Variants in KANSL1 observed in about 807,000 individuals in gnomAD.
KANSL1 encodes the protein MLL1/MLL complex subunit KANSL1.
KANSL1 carries 22 observed loss-of-function variants against 103.6 expected under a neutral mutation model. The ratio of observed to expected loss-of-function variants is 0.21; its 90% CI spans 0.15 to 0.30. The LOEUF (loss-of-function observed/expected upper bound fraction) is 0.30, where lower values mean the gene tolerates loss of function less well. Ranked by LOEUF, KANSL1 falls within the 10% of genes least tolerant of loss-of-function variation. The pLI is 1.00. For missense variants in KANSL1, 1,337 were observed against 1,399.8 expected (o/e 0.96, Z 0.72); for synonymous variants, 600 against 527.6 (o/e 1.14, Z -1.88).
At chr17:46,113,533 G>A (rs2042912860) in intron 2 of KANSL1, among the ~76,000 whole-genome samples, 1 of 152,096 alleles carries the variant, frequency 6.6e-6, no homozygotes, top group African/African-American at 2.4e-5. Flanking sequence ...TTTACCTGTA[G>A]GTATAAGTGG....
intron 2 of KANSL1, among the ~76,000 whole-genome samples, chr17:46,118,140 A>C (rs1184593895): frequency 1.3e-5 from 2 of 152,332 alleles, no homozygotes; most frequent in African/African-American, 2.4e-5. Context: ...CTTTACACAC[A>C]ATGTTTTTAA....
chr17:46,082,310 A>T (rs1387079409), intron 4 of KANSL1, 131 bp downstream of exon 4: 1 of 580,606 alleles, frequency 1.7e-6, no homozygotes, highest in Non-Finnish European at 3.1e-6. Context: ...TAAAACACCA[A>T]AAGTGATAAA....
chr17:46,084,349 A>G (rs946584954), intron 3 of KANSL1, among the ~76,000 whole-genome samples: 8 of 151,898 alleles, frequency 5.3e-5, no homozygotes, highest in African/African-American at 1.9e-4. Flanking sequence ...ACCATTGCAC[A>G]CCAGCCTGGG....
At chr17:46,163,098 C>T (rs978541005) in intron 2 of KANSL1, among the ~76,000 whole-genome samples, 2 of 152,222 alleles carry the variant, frequency 1.3e-5, no homozygotes, top group African/African-American at 2.4e-5. Flanking sequence ...TCCTGTAGCA[C>T]CCACAACAAT....
rs2076976236 is a variant in KANSL1, at chr17:46,030,425, G to A, written c.*1051C>T. 2 of 151,940 alleles carry A rather than the reference G, an allele frequency of 1.3e-5. No homozygotes were observed. The highest frequency in any genetic ancestry group is 2.9e-5 in the Non-Finnish European group (2 of 68,006). 9.4% of individuals were successfully genotyped at this position (151,940 alleles called of 1,614,324 possible). On this transcript the variant is annotated 3_prime_UTR_variant, in exon 15 of 15. Transcript: ENST00000432791. ...CCCTTTTTGGTGATGTGATCATACA[G>A]GAGACAGGCACAAGGTTAACAGAGA...
chr17:46,105,949 C>CACACACACACACACACACACACACA (rs1567680988), intron 2 of KANSL1, among the ~76,000 whole-genome samples: 14 of 49,312 alleles, frequency 2.8e-4, no homozygotes, highest in African/African-American at 8.4e-4. Context: ...ACACACACAC[C>CACACACACACACACACACACACACA]CCCCCAGAAG....
intron 1 of KANSL1, among the ~76,000 whole-genome samples, chr17:46,208,505 C>T (rs541415420): frequency 1.3e-5 from 2 of 151,144 alleles, no homozygotes; most frequent in Non-Finnish European, 2.9e-5. Flanking sequence ...CCCAGCTACC[C>T]GGGAAGCTGA....
chr17:46,177,342 G>C (rs2046569219), intron 1 of KANSL1, among the ~76,000 whole-genome samples: 1 of 141,932 alleles, frequency 7.0e-6, no homozygotes, highest in Admixed American at 7.3e-5. Flanking sequence ...TTTGCAATTA[G>C]CTACAATTGC....
chr17:46,142,696 T>C (rs913544760), intron 2 of KANSL1, among the ~76,000 whole-genome samples: 1 of 152,274 alleles, frequency 6.6e-6, no homozygotes, highest in Non-Finnish European at 1.5e-5. Flanking sequence ...TAAGTAAAGA[T>C]AGTATTTTTT....
chr17:46,062,711 GAT>G (rs973054429), intron 6 of KANSL1, among the ~76,000 whole-genome samples: 3 of 151,680 alleles, frequency 2.0e-5, no homozygotes, highest in African/African-American at 7.3e-5. Flanking sequence ...TCAATTTTAA[GAT>G]ATATTCCAGC....
At chr17:46,157,241 C>T (rs1270193705) in intron 2 of KANSL1, among the ~76,000 whole-genome samples, 1 of 152,226 alleles carries the variant, frequency 6.6e-6, no homozygotes, top group East Asian at 1.9e-4. Context: ...TGTTTAAGTA[C>T]TACTTATTAA....
At chr17:46,166,213 C>CCAAAAAAA (rs1555573289) in intron 2 of KANSL1, among the ~76,000 whole-genome samples, 22 of 95,106 alleles carry the variant, frequency 2.3e-4, no homozygotes, top group South Asian at 5.4e-4. Flanking sequence ...GACTCTGTCT[C>CCAAAAAAA]AAAAAAAAAA....
At chr17:46,099,779 A>G (rs1183391337) in intron 2 of KANSL1, among the ~76,000 whole-genome samples, 1 of 152,240 alleles carries the variant, frequency 6.6e-6, no homozygotes, top group Non-Finnish European at 1.5e-5. Flanking sequence ...TATATACTGT[A>G]GTTATCACCT....
chr17:46,183,453 T>C (rs764183761), intron 1 of KANSL1, among the ~76,000 whole-genome samples: 1 of 151,318 alleles, frequency 6.6e-6, no homozygotes. Context: ...AGTGGGAGGG[T>C]CACTTGAGCC....
At chr17:46,146,798 A>G (rs1450856291) in intron 2 of KANSL1, among the ~76,000 whole-genome samples, 1 of 142,150 alleles carries the variant, frequency 7.0e-6, no homozygotes, top group African/African-American at 2.7e-5. Flanking sequence ...CCGCCACTGC[A>G]CTCCAGCCTG....
At chr17:46,172,893 A>G (rs1410448232) in intron 1 of KANSL1, among the ~76,000 whole-genome samples, 2 of 152,110 alleles carry the variant, frequency 1.3e-5, no homozygotes, top group Non-Finnish European at 2.9e-5. Flanking sequence ...TTCTGCCCTC[A>G]GTACAGCCTC....
Position 46,030,887 on chromosome 17 carries a change from T to A in KANSL1, c.*589A>T, listed in dbSNP as rs1009271335. The A allele has an allele frequency of 6.5e-6, 1 of 152,794 alleles. No individual in the cohort carries two copies. Among genetic ancestry groups the A allele is most frequent in the Non-Finnish European group, 1.5e-5 (1 of 68,514 alleles). The allele number at this position is 152,794 out of a possible 1,614,324, so 9.5% of individuals were successfully genotyped here. On this transcript the variant is annotated 3_prime_UTR_variant, in exon 15 of 15. Coordinates refer to ENST00000432791, the MANE Select transcript of KANSL1 (RefSeq NM_015443.4). The stretch of plus-strand genomic sequence containing the variant: ...GCAGATGAAACAAAAAATCAGTCTC[T>A]TAAGTTCTGGGTGAGAAAGGAAAGG...
intron 1 of KANSL1, among the ~76,000 whole-genome samples, chr17:46,219,943 A>G (rs2048470183): frequency 6.6e-6 from 1 of 151,976 alleles, no homozygotes; most frequent in Non-Finnish European, 1.5e-5. Context: ...CTCTACTAAA[A>G]ATACAAAAAA....
intron 2 of KANSL1, among the ~76,000 whole-genome samples, chr17:46,107,059 C>T (rs140613665): frequency 0.013 from 1,917 of 152,302 alleles, 13 homozygotes; most frequent in Non-Finnish European, 0.021. Flanking sequence ...CTAATAAACA[C>T]TATCCAACCG....
Sources: gnomAD v4.1 joint callset for allele counts (sites outside exome capture counted in the v4.1 genomes callset) on GRCh38, gnomAD v4.1.1 for gene constraint, MANE v1.5 for transcripts, NCBI Gene and HGNC (gene_info 2026-07-23, HGNC 2026-07-21) for gene names.